Variants in GALNTL6 observed in about 807,000 individuals in gnomAD.
The protein encoded by GALNTL6 is polypeptide N-acetylgalactosaminyltransferase like 6.
A neutral mutation model predicts 73.7 loss-of-function variants in GALNTL6; 46 were observed. That is an observed-to-expected ratio of 0.62 (90% CI 0.49 to 0.80). GALNTL6 has a LOEUF of 0.80. Among genes scored for constraint, GALNTL6 ranks in the 30% least tolerant of loss-of-function variants. The probability of loss-of-function intolerance (pLI) is 0.00; values close to 1 mark genes in which losing one functional copy is unlikely to be tolerated. For synonymous variants in GALNTL6, 259 were observed against 263.7 expected, an observed-to-expected ratio of 0.98 and a Z score of 0.17; for missense variants, 604 against 755.0, an observed-to-expected ratio of 0.80 and a Z score of 2.34.
chr4:171,834,728 A>G (rs13132366), intron 2 of GALNTL6, among the ~76,000 whole-genome samples: 58,568 of 151,642 alleles, frequency 0.39, 13,715 homozygotes, highest in East Asian at 0.62. Flanking sequence ...AAAATCATGA[A>G]AAGTGCTCTT....
intron 2 of GALNTL6, among the ~76,000 whole-genome samples, chr4:171,974,969 A>G (rs1739677028): frequency 6.6e-6 from 1 of 152,138 alleles, no homozygotes; most frequent in South Asian, 2.1e-4. Flanking sequence ...TATTTTTTGT[A>G]GGCTTTATAA....
intron 4 of GALNTL6, among the ~76,000 whole-genome samples, chr4:172,333,176 T>G (rs985333268): frequency 6.6e-6 from 1 of 152,124 alleles, no homozygotes; most frequent in Admixed American, 6.6e-5. Context: ...GAGGCCAAGA[T>G]GGGTGTATCA....
At chr4:172,911,770 T>C (rs1391879888) in intron 8 of GALNTL6, among the ~76,000 whole-genome samples, 2 of 152,252 alleles carry the variant, frequency 1.3e-5, no homozygotes, top group Non-Finnish European at 2.9e-5. Flanking sequence ...TTTATGTCTA[T>C]TAGATATAAG....
At chr4:172,188,711 G>A (rs527590858) in intron 2 of GALNTL6, among the ~76,000 whole-genome samples, 40 of 152,298 alleles carry the variant, frequency 2.6e-4, no homozygotes, top group African/African-American at 7.7e-4. Flanking sequence ...AGTCGCCAAA[G>A]GGTAAAGAGG....
intron 3 of GALNTL6, among the ~76,000 whole-genome samples, chr4:172,264,535 G>A (rs1738369863): frequency 2.5e-5 from 3 of 119,924 alleles, no homozygotes; most frequent in South Asian, 2.9e-4. Context: ...ATTTAAATAA[G>A]GTTGGCATAA....
chr4:172,778,497 G>T (rs1472628580), intron 5 of GALNTL6, among the ~76,000 whole-genome samples: 2 of 151,092 alleles, frequency 1.3e-5, no homozygotes, highest in Non-Finnish European at 3.0e-5. Context: ...TTTAGAAGAG[G>T]TGACTTAATG....
chr4:171,970,022 T>C (rs332975), intron 2 of GALNTL6, among the ~76,000 whole-genome samples: 139,409 of 152,166 alleles, frequency 0.92, 64,935 homozygotes, highest in Non-Finnish European at 1. Context: ...CCACCCTCCT[T>C]GGCCTCCCAA....
intron 2 of GALNTL6, among the ~76,000 whole-genome samples, chr4:172,156,882 A>G (rs976652632): frequency 2.6e-5 from 4 of 151,994 alleles, no homozygotes; most frequent in African/African-American, 4.8e-5. Context: ...GAAGTTTCCT[A>G]TTACAACTAA....
intron 5 of GALNTL6, among the ~76,000 whole-genome samples, chr4:172,455,321 T>G (rs1317142286): frequency 1.3e-5 from 2 of 152,134 alleles, no homozygotes; most frequent in African/African-American, 4.8e-5. Flanking sequence ...GGAGTTTTTG[T>G]CATACCTCAG....
At chr4:172,449,812 A>T (rs1732147134) in intron 5 of GALNTL6, among the ~76,000 whole-genome samples, 1 of 152,184 alleles carries the variant, frequency 6.6e-6, no homozygotes, top group African/African-American at 2.4e-5. Flanking sequence ...TTTCACCCAG[A>T]ATATTCTCCC....
chr4:172,646,755 A>G (rs1274519923), intron 5 of GALNTL6, among the ~76,000 whole-genome samples: 1 of 152,086 alleles, frequency 6.6e-6, no homozygotes, highest in Non-Finnish European at 1.5e-5. Flanking sequence ...TCGTTCTTCA[A>G]GTAAAGCTGT....
At chr4:172,498,982 T>C in intron 5 of GALNTL6, among the ~76,000 whole-genome samples, 1 of 152,210 alleles carries the variant, frequency 6.6e-6, no homozygotes, top group East Asian at 1.9e-4. Context: ...TTACTTAGTC[T>C]GGCATAAATA....
chr4:172,486,242 T>G (rs1395064905), intron 5 of GALNTL6, among the ~76,000 whole-genome samples: 3 of 152,204 alleles, frequency 2.0e-5, no homozygotes, highest in African/African-American at 7.2e-5. Flanking sequence ...GTCACATTTC[T>G]GCAGATCAGT....
Position 172,401,905 on chromosome 4 carries a change from G to C in GALNTL6, c.553+53216G>C, listed in dbSNP as rs527261729. ...TTCCCTGGCTTCTGGAGGAGGAAGA[G>C]AGAGAGAGAGAGGGGGAGAGAGGGA... On this transcript the variant is annotated intron_variant, in intron 5 of 12. Transcript: ENST00000506823. Among the ~76,000 whole-genome samples the C allele has an allele frequency of 1.1e-3, 157 of 141,388 alleles. 1 individual carries two copies. The highest frequency in any genetic ancestry group is 4.0e-3 in the African/African-American group (154 of 38,578). The allele number at this position is 141,388 out of a possible 152,430, so 92.8% of individuals were successfully genotyped here. A position where few individuals can be genotyped will look rare whatever the true frequency, so the allele number is the denominator to read the frequency against.
chr4:172,315,498 G>T (rs1381842539), intron 4 of GALNTL6, among the ~76,000 whole-genome samples: 3 of 152,188 alleles, frequency 2.0e-5, no homozygotes, highest in African/African-American at 7.2e-5. Flanking sequence ...CAGTCTGCCT[G>T]CCTTGGCCTC....
rs138292303 is a variant in GALNTL6, at chr4:172,957,107, T to C, written c.1371+4849T>C. 5.2e-3 allele frequency among the ~76,000 whole-genome samples: 787 copies of C among 152,248 alleles called. 10 individuals are homozygous for C. Among genetic ancestry groups the C allele is most frequent in the African/African-American group, 0.018 (741 of 41,538 alleles). ...TTATAGTTTCCTGACTCAGGGCATG[T>C]TGAGTAAAGCCAATTTGCCAGTCCT... On this transcript the variant is annotated intron_variant, in intron 10 of 12. Transcript: ENST00000506823.
chr4:171,964,624 A>C (rs1471776568), intron 2 of GALNTL6, among the ~76,000 whole-genome samples: 1 of 152,134 alleles, frequency 6.6e-6, no homozygotes, highest in East Asian at 1.9e-4. Context: ...TGTCTATCAT[A>C]TGATTATATT....
Position 171,818,575 on chromosome 4 carries a change from T to TAAA in GALNTL6, c.138+3870_138+3872dup, listed in dbSNP as rs370223311. ...TATTGTCCTAGATTTTCTACCACAT[T>TAAA]AAAAAAAAAAAAAAAGCCTAGGTCC... On this transcript the variant is annotated intron_variant, in intron 2 of 12. Coordinates refer to ENST00000506823, the MANE Select transcript of GALNTL6 (RefSeq NM_001034845.3). Among the ~76,000 whole-genome samples the TAAA allele has an allele frequency of 8.2e-3, 1,086 of 132,474 alleles. 18 individuals are homozygous for TAAA. The highest frequency in any genetic ancestry group is 0.028 in the African/African-American group (1,037 of 36,898). The allele number at this position is 132,474 out of a possible 152,430, so 86.9% of individuals were successfully genotyped here.
intron 5 of GALNTL6, among the ~76,000 whole-genome samples, chr4:172,445,697 A>AT (rs1383880042): frequency 1.3e-5 from 2 of 152,098 alleles, no homozygotes; most frequent in Non-Finnish European, 2.9e-5. Flanking sequence ...TAAAATGATT[A>AT]TTTTTTACTG....
Sources: allele counts gnomAD v4.1 joint callset (sites outside exome capture counted in the v4.1 genomes callset), GRCh38; gene constraint gnomAD v4.1.1; transcripts MANE v1.5; gene names NCBI Gene and HGNC (gene_info 2026-07-23, HGNC 2026-07-21).